LRRIQ3: variants seen among roughly 807,000 people sequenced by gnomAD.
LRRIQ3 encodes the protein leucine rich repeats and IQ motif containing 3.
A neutral mutation model predicts 59.3 loss-of-function variants in LRRIQ3; 75 were observed. The ratio of observed to expected loss-of-function variants is 1.26; its 90% CI spans 1.05 to 1.53. LRRIQ3 has a LOEUF of 1.53. Ranked by LOEUF, LRRIQ3 falls within the 40% of genes most tolerant of loss-of-function variation. The probability of loss-of-function intolerance (pLI) is 0.00; values close to 1 mark genes in which losing one functional copy is unlikely to be tolerated. For missense variants in LRRIQ3, 831 were observed against 710.0 expected (o/e 1.17, Z -1.94); for synonymous variants, 250 against 231.3 (o/e 1.08, Z -0.73).
At position 74,106,569 on chromosome 1, in the gene LRRIQ3, A is replaced by G. The variant is rs150809817; in HGVS notation, c.867+2825T>C. Among the ~76,000 whole-genome samples the G allele has an allele frequency of 3.8e-3, 577 of 152,106 alleles. 5 individuals are homozygous for G. Among genetic ancestry groups the G allele is most frequent in the African/African-American group, 0.013 (548 of 41,542 alleles). ...ACAAAGTATAGGTAATAAAGGAATTACCACACAGTCCAGCCTAGGTTACTT... is the reference window on the plus strand; with the variant it reads ...ACAAAGTATAGGTAATAAAGGAATTGCCACACAGTCCAGCCTAGGTTACTT... On this transcript the variant is annotated intron_variant, in intron 5 of 7. Transcript: ENST00000354431.
intron 5 of LRRIQ3, among the ~76,000 whole-genome samples, chr1:74,104,460 G>T (rs992245551): frequency 2.6e-5 from 4 of 151,980 alleles, no homozygotes; most frequent in African/African-American, 7.2e-5. Flanking sequence ...GTGAACGCAT[G>T]ATCTTTCATA....
At chr1:74,057,582 T>TA (rs1426442447) in intron 6 of LRRIQ3, among the ~76,000 whole-genome samples, 2 of 152,066 alleles carry the variant, frequency 1.3e-5, no homozygotes, top group African/African-American at 4.8e-5. Flanking sequence ...TCTCACCATA[T>TA]AAAAAATCTA....
chr1:74,155,710 A>G lies in LRRIQ3; in HGVS notation c.707+23T>C, dbSNP rs747294840. 14 of 1,546,394 alleles carry G rather than the reference A, an allele frequency of 9.1e-6. No homozygotes were observed. The South Asian group carries it at 1.4e-4, about 15-fold the overall frequency. On this transcript the variant is annotated intron_variant, in intron 4 of 7. Transcript: ENST00000354431. ...TTCACCTTCTTATTTCAATATTCAAATGGTAAAGAAAACAAAACATACCTC... is the reference window on the plus strand; with the variant it reads ...TTCACCTTCTTATTTCAATATTCAAGTGGTAAAGAAAACAAAACATACCTC...
chr1:74,178,824 T>G (rs890041520), intron 3 of LRRIQ3, among the ~76,000 whole-genome samples: 11 of 152,114 alleles, frequency 7.2e-5, no homozygotes, highest in Non-Finnish European at 1.2e-4. Flanking sequence ...TAATATAAAA[T>G]GAACGGACTT....
chr1:74,065,706 T>G (rs1189511280), intron 6 of LRRIQ3, among the ~76,000 whole-genome samples: 4 of 152,128 alleles, frequency 2.6e-5, no homozygotes, highest in Non-Finnish European at 5.9e-5. Flanking sequence ...AGTCTAAATA[T>G]TTGTAATTTT....
intron 5 of LRRIQ3, chr1:74,084,321 G>A: frequency 8.6e-7 from 1 of 1,159,676 alleles, no homozygotes; most frequent in African/African-American, 1.6e-5. Context: ...ATTTTGCCTG[G>A]AGGACAGTGA....
intron 3 of LRRIQ3, among the ~76,000 whole-genome samples, chr1:74,178,057 T>C (rs1357094841): frequency 6.6e-6 from 1 of 151,936 alleles, no homozygotes; most frequent in Non-Finnish European, 1.5e-5. Flanking sequence ...TTCCTATCTA[T>C]GCCATTTAAT....
chr1:74,071,511 A>C (rs916011712), intron 6 of LRRIQ3, among the ~76,000 whole-genome samples: 2 of 152,158 alleles, frequency 1.3e-5, no homozygotes, highest in African/African-American at 4.8e-5. Flanking sequence ...TCAGAAGTGC[A>C]TGTTCTCCAA....
chr1:74,093,806 G>A (rs1301531772), intron 5 of LRRIQ3, among the ~76,000 whole-genome samples: 2 of 151,996 alleles, frequency 1.3e-5, no homozygotes, highest in Admixed American at 1.3e-4. Flanking sequence ...TGTCTTTTGG[G>A]GACATTTCTC....
At chr1:74,092,629 T>C (rs1034424442) in intron 5 of LRRIQ3, among the ~76,000 whole-genome samples, 5 of 152,028 alleles carry the variant, frequency 3.3e-5, no homozygotes, top group Non-Finnish European at 5.9e-5. Context: ...TAGCTTTTAT[T>C]TAAGTCTTTT....
chr1:74,190,706 C>T (rs929559815), intron 1 of LRRIQ3, among the ~76,000 whole-genome samples: 28 of 151,276 alleles, frequency 1.9e-4, no homozygotes, highest in African/African-American at 6.8e-4. Flanking sequence ...AACAACCTCA[C>T]ACCTAGATAA....
chr1:74,061,107 AC>A (rs1273560408), intron 6 of LRRIQ3, among the ~76,000 whole-genome samples: 2 of 152,124 alleles, frequency 1.3e-5, no homozygotes, highest in Non-Finnish European at 2.9e-5. Context: ...AAATCAATGT[AC>A]AAAAGTAATA....
chr1:74,064,220 CTTG>C (rs1654809136), intron 6 of LRRIQ3, among the ~76,000 whole-genome samples: 1 of 151,670 alleles, frequency 6.6e-6, no homozygotes, highest in Non-Finnish European at 1.5e-5. Context: ...AGTCATAGAG[CTTG>C]TTATTATCTT....
In LRRIQ3 at chr1:74,083,612, A is replaced by G. The variant is rs1021648210; in HGVS notation, c.868-8822T>C. The stretch of plus-strand genomic sequence containing the variant: ...AGACCAGAGAGCATCAGTGTGATTC[A>G]ATAGTTAATATTTTCCTTCCAAGTC... On this transcript the variant is annotated intron_variant, in intron 5 of 7. Coordinates refer to ENST00000354431, the MANE Select transcript of LRRIQ3 (RefSeq NM_001105659.2). The G allele has an allele frequency of 4.0e-5, 6 of 151,812 alleles. No individual in the cohort carries two copies. The Admixed American group carries it at 4.0e-4, about 10-fold the overall frequency. The allele number at this position is 151,812 out of a possible 1,614,324, so 9.4% of individuals were successfully genotyped here. A position where few individuals can be genotyped will look rare whatever the true frequency, so the allele number is the denominator to read the frequency against.
At chr1:74,085,289 C>A (rs1646315015) in intron 5 of LRRIQ3, among the ~76,000 whole-genome samples, 1 of 148,232 alleles carries the variant, frequency 6.7e-6, no homozygotes, top group East Asian at 2.0e-4. Flanking sequence ...TGAGTGCATC[C>A]TATGTGCGTA....
intron 7 of LRRIQ3, among the ~76,000 whole-genome samples, chr1:74,039,999 A>G (rs1215018724): frequency 6.6e-6 from 1 of 152,240 alleles, no homozygotes; most frequent in African/African-American, 2.4e-5. Context: ...GGCAAATAGT[A>G]TAAAGAGCCA....
intron 4 of LRRIQ3, among the ~76,000 whole-genome samples, chr1:74,113,977 A>T (rs1205160432): frequency 6.6e-6 from 1 of 151,642 alleles, no homozygotes; most frequent in African/African-American, 2.4e-5. Flanking sequence ...CTCTCTATAT[A>T]TATACACACA....
At chr1:74,077,363 T>A (rs188996247) in intron 5 of LRRIQ3, among the ~76,000 whole-genome samples, 2 of 152,092 alleles carry the variant, frequency 1.3e-5, no homozygotes, top group African/African-American at 2.4e-5. Context: ...TATCTCACTT[T>A]TATCCTACCC....
chr1:74,114,975 C>T (rs1368487983), intron 4 of LRRIQ3, among the ~76,000 whole-genome samples: 2 of 151,728 alleles, frequency 1.3e-5, no homozygotes, highest in African/African-American at 4.8e-5. Context: ...TACATGGCTC[C>T]TATTTTAAAT....
Sources: gnomAD v4.1 joint callset for allele counts (sites outside exome capture counted in the v4.1 genomes callset) on GRCh38, gnomAD v4.1.1 for gene constraint, MANE v1.5 for transcripts, NCBI Gene and HGNC (gene_info 2026-07-23, HGNC 2026-07-21) for gene names.